The following FSIP1 variants were observed in gnomAD, a reference collection of about 807,000 sequenced individuals.
The protein encoded by FSIP1 is fibrous sheath interacting protein 1, also known as fibrous sheath-interacting protein 1.
A neutral mutation model predicts 60.9 loss-of-function variants in FSIP1; 65 were observed. The observed-to-expected ratio is 1.07, with a 90% CI of 0.87 to 1.31. The LOEUF (loss-of-function observed/expected upper bound fraction) is 1.31. Among genes scored for constraint, FSIP1 ranks in the 40% most tolerant of loss-of-function variants. The pLI is 0.00. For missense variants in FSIP1, 675 were observed against 665.5 expected, an observed-to-expected ratio of 1.01 and a Z score of -0.16; for synonymous variants, 209 against 221.2, an observed-to-expected ratio of 0.94 and a Z score of 0.49.
intron 9 of FSIP1, among the ~76,000 whole-genome samples, chr15:39,718,409 T>C (rs1895830778): frequency 6.6e-6 from 1 of 152,124 alleles, no homozygotes; most frequent in Non-Finnish European, 1.5e-5. Context: ...AAAATCCTGA[T>C]GATTTAATCT....
intron 10 of FSIP1, among the ~76,000 whole-genome samples, chr15:39,701,336 T>C (rs1181563475): frequency 2.6e-5 from 4 of 152,078 alleles, no homozygotes; most frequent in African/African-American, 9.7e-5. Flanking sequence ...ATCCACCTTA[T>C]TGGCAAAAAA....
intron 10 of FSIP1, among the ~76,000 whole-genome samples, chr15:39,687,137 C>CTTTTTTTTTTTTTTTTTTTTTTTTTTTT (rs386382788): frequency 1.7e-5 from 2 of 115,490 alleles, no homozygotes; most frequent in Non-Finnish European, 3.4e-5. Flanking sequence ...TTTTCTTTTC[C>CTTTTTTTTTTTTTTTTTTTTTTTTTTTT]TTTTTTTTTT....
At chr15:39,651,930 A>G (rs1230799829) in intron 10 of FSIP1, among the ~76,000 whole-genome samples, 1 of 152,208 alleles carries the variant, frequency 6.6e-6, no homozygotes, top group Non-Finnish European at 1.5e-5. Flanking sequence ...TTAAATGGGG[A>G]AAGAAGTTAA....
intron 10 of FSIP1, among the ~76,000 whole-genome samples, chr15:39,626,189 C>T (rs1891630457): frequency 6.6e-6 from 1 of 152,160 alleles, no homozygotes; most frequent in Non-Finnish European, 1.5e-5. Context: ...TGTATGCCCA[C>T]AGGAGTCTCT....
intron 11 of FSIP1, among the ~76,000 whole-genome samples, chr15:39,605,682 C>T (rs951017163): frequency 3.3e-5 from 5 of 152,144 alleles, no homozygotes; most frequent in African/African-American, 9.7e-5. Flanking sequence ...ACTCAGCTCC[C>T]GTGGGTGGTG....
intron 10 of FSIP1, among the ~76,000 whole-genome samples, chr15:39,629,355 T>C (rs1450586748): frequency 6.6e-6 from 1 of 152,214 alleles, no homozygotes; most frequent in Non-Finnish European, 1.5e-5. Flanking sequence ...CAGAAAGTAC[T>C]GTATGCAGTA....
intron 5 of FSIP1, among the ~76,000 whole-genome samples, chr15:39,749,179 A>G (rs976843758): frequency 6.7e-6 from 1 of 149,988 alleles, no homozygotes; most frequent in African/African-American, 2.5e-5. Context: ...CCCCGCAAAG[A>G]AAACCCCACG....
chr15:39,776,577 T>G (rs1898073032), intron 1 of FSIP1, 46 bp from the exon 2 acceptor site: 1 of 1,477,002 alleles, frequency 6.8e-7, no homozygotes, highest in African/African-American at 1.4e-5. Flanking sequence ...CTCGGATATT[T>G]AAATCTTTCA....
intron 5 of FSIP1, among the ~76,000 whole-genome samples, chr15:39,749,079 A>AC (rs1897083674): frequency 6.6e-6 from 1 of 151,908 alleles, no homozygotes; most frequent in South Asian, 2.1e-4. Context: ...TCCTAGAAAA[A>AC]TATAAACTAC....
At chr15:39,658,639 G>A (rs1330341754) in intron 10 of FSIP1, among the ~76,000 whole-genome samples, 3 of 149,482 alleles carry the variant, frequency 2.0e-5, no homozygotes, top group Non-Finnish European at 4.4e-5. Context: ...GTTGTACTAA[G>A]ATAAGATTTT....
At chr15:39,724,256 T>C (rs1896099043) in intron 9 of FSIP1, among the ~76,000 whole-genome samples, 1 of 106,476 alleles carries the variant, frequency 9.4e-6, no homozygotes, top group African/African-American at 5.4e-5. Context: ...TATTCATACT[T>C]TTTTTTTTTT....
At chr15:39,740,379 C>A (rs1051130360) in intron 6 of FSIP1, among the ~76,000 whole-genome samples, 1 of 152,292 alleles carries the variant, frequency 6.6e-6, no homozygotes, top group South Asian at 2.1e-4. Flanking sequence ...CTGAGATATT[C>A]AGACACCGAG....
chr15:39,673,622 A>T (rs1893807502), intron 10 of FSIP1, among the ~76,000 whole-genome samples: 1 of 152,144 alleles, frequency 6.6e-6, no homozygotes, highest in Non-Finnish European at 1.5e-5. Context: ...GGCTCGTAAC[A>T]CATACATTTA....
At chr15:39,777,122 C>G (rs967644513) in intron 1 of FSIP1, among the ~76,000 whole-genome samples, 3 of 151,742 alleles carry the variant, frequency 2.0e-5, no homozygotes, top group Non-Finnish European at 4.4e-5. Flanking sequence ...TTAGTAGAGA[C>G]GGGGTTTCGC....
At chr15:39,684,308 A>G (rs1894279444) in intron 10 of FSIP1, among the ~76,000 whole-genome samples, 1 of 152,226 alleles carries the variant, frequency 6.6e-6, no homozygotes, top group Non-Finnish European at 1.5e-5. Context: ...AACCAAATAT[A>G]AGGAATCTGG....
chr15:39,621,248 G>C (rs990158329), intron 10 of FSIP1, among the ~76,000 whole-genome samples: 1 of 152,234 alleles, frequency 6.6e-6, no homozygotes, highest in Non-Finnish European at 1.5e-5. Flanking sequence ...ATTGCAACCT[G>C]GCTTCCTCTT....
At chr15:39,650,421 T>G (rs1340828829) in intron 10 of FSIP1, among the ~76,000 whole-genome samples, 1 of 152,212 alleles carries the variant, frequency 6.6e-6, no homozygotes, top group African/African-American at 2.4e-5. Context: ...TCTATACATC[T>G]TTGTCCTTTT....
At chr15:39,629,621 T>G (rs571859711) in intron 10 of FSIP1, among the ~76,000 whole-genome samples, 6 of 152,350 alleles carry the variant, frequency 3.9e-5, no homozygotes, top group Admixed American at 3.3e-4. Flanking sequence ...ACTCATTTCC[T>G]GTTGCCCTCA....
chr15:39,598,995 C>G (rs1360808506), downstream of FSIP1: 1 of 152,104 alleles, frequency 6.6e-6, no homozygotes, highest in Non-Finnish European at 1.5e-5. Context: ...AATCTCGGCT[C>G]ACTGCAACCT....
Sources: gnomAD v4.1 joint callset for allele counts (sites outside exome capture counted in the v4.1 genomes callset) on GRCh38, gnomAD v4.1.1 for gene constraint, MANE v1.5 for transcripts, NCBI Gene and HGNC (gene_info 2026-07-23, HGNC 2026-07-21) for gene names.